The following PRDM6 variants were observed in gnomAD, a reference collection of about 807,000 sequenced individuals.
The protein encoded by PRDM6 is PR/SET domain 6.
A neutral mutation model predicts 60.8 loss-of-function variants in PRDM6; 25 were observed. The ratio of observed to expected loss-of-function variants is 0.41; its 90% CI spans 0.30 to 0.57. The LOEUF (loss-of-function observed/expected upper bound fraction) is 0.57, where lower values mean the gene tolerates loss of function less well. Ranked by LOEUF, PRDM6 falls within the 20% of genes least tolerant of loss-of-function variation. The pLI is 0.27. For missense variants in PRDM6, 839 were observed against 821.3 expected, an observed-to-expected ratio of 1.02 and a Z score of -0.26; for synonymous variants, 407 against 357.4, an observed-to-expected ratio of 1.14 and a Z score of -1.57.
At chr5:123,106,363 G>A (rs1489977556) in intron 3 of PRDM6, among the ~76,000 whole-genome samples, 1 of 152,174 alleles carries the variant, frequency 6.6e-6, no homozygotes, top group African/African-American at 2.4e-5. Context: ...CATCATCCAT[G>A]TTGATGTGAT....
At chr5:123,133,289 A>T (rs1764876315) in intron 3 of PRDM6, among the ~76,000 whole-genome samples, 1 of 152,124 alleles carries the variant, frequency 6.6e-6, no homozygotes, top group South Asian at 2.1e-4. Flanking sequence ...ATCTTATATA[A>T]ATCCTTCCTA....
chr5:123,110,774 C>T (rs1764295138), intron 3 of PRDM6, among the ~76,000 whole-genome samples: 1 of 151,974 alleles, frequency 6.6e-6, no homozygotes, highest in South Asian at 2.1e-4. Flanking sequence ...CCATGTTGGT[C>T]AGGATGGTCT....
chr5:123,090,624 G>A lies in PRDM6; in HGVS notation c.592+18G>A, dbSNP rs1488234921. 1.4e-6 allele frequency: 2 copies of A among 1,469,250 alleles called. No homozygotes were observed. The highest frequency in any genetic ancestry group is 1.2e-5 in the South Asian group (1 of 82,124). The allele number at this position is 1,469,250 out of a possible 1,614,324, so 91.0% of individuals were successfully genotyped here. ...CAACAACCGTACGTAGCCGCAGCCC[G>A]CGCGCTCTCTCCCGGGGCGCCGGCG... On this transcript the variant is annotated intron_variant, in intron 2 of 7. Coordinates refer to ENST00000407847, the MANE Select transcript of PRDM6 (RefSeq NM_001136239.4).
intron 3 of PRDM6, among the ~76,000 whole-genome samples, chr5:123,149,740 AT>A (rs1475272320): frequency 3.3e-5 from 5 of 152,338 alleles, no homozygotes; most frequent in Admixed American, 6.5e-5. Flanking sequence ...TTAAAAATAG[AT>A]TCATCTGGGA....
At chr5:123,160,639 G>C (rs1022236512) in intron 5 of PRDM6, among the ~76,000 whole-genome samples, 1 of 152,152 alleles carries the variant, frequency 6.6e-6, no homozygotes, top group Non-Finnish European at 1.5e-5. Context: ...TCAAAATGCT[G>C]ATCGTCAGAT....
intron 3 of PRDM6, among the ~76,000 whole-genome samples, chr5:123,132,719 G>C (rs1217318888): frequency 7.4e-6 from 1 of 135,348 alleles, no homozygotes. Flanking sequence ...TGTATATGCA[G>C]GTCAATATCG....
rs999489259 is a variant in PRDM6 at position 123,147,446 on chromosome 5, A to T, written c.901-8438A>T. On this transcript the variant is annotated intron_variant, in intron 3 of 7. Coordinates refer to ENST00000407847, the MANE Select transcript of PRDM6 (RefSeq NM_001136239.4). ...GTGCACTGTGGATATTATTGCTGCA[A>T]CGGAGAAGAGGGAAAAAGATAGGTT... is the stretch of plus-strand genomic sequence containing the variant. Among the ~76,000 whole-genome samples, 5 of 152,314 alleles carry T rather than the reference A, an allele frequency of 3.3e-5. No individual in the cohort carries two copies. In the East Asian group the frequency reaches 7.7e-4, roughly 23 times the overall value.
chr5:123,162,697 T>C (rs1307997831), intron 5 of PRDM6, among the ~76,000 whole-genome samples: 1 of 152,140 alleles, frequency 6.6e-6, no homozygotes, highest in East Asian at 1.9e-4. Flanking sequence ...CCCCCAAGGG[T>C]ATTATAGGAA....
chr5:123,133,010 A>G (rs550614111), intron 3 of PRDM6, among the ~76,000 whole-genome samples: 2 of 152,238 alleles, frequency 1.3e-5, no homozygotes, highest in East Asian at 1.9e-4. Flanking sequence ...CAAAATGTAC[A>G]GTATTCTAAT....
At chr5:123,108,263 T>C (rs943073866) in intron 3 of PRDM6, among the ~76,000 whole-genome samples, 5 of 152,212 alleles carry the variant, frequency 3.3e-5, no homozygotes, top group African/African-American at 9.6e-5. Flanking sequence ...TCTAATTCAG[T>C]AGAAACGTCT....
At position 123,190,640 on chromosome 5, in the gene PRDM6, T is replaced by A. The variant is rs1041168478; in HGVS notation, c.*3439T>A. On this transcript the variant is annotated 3_prime_UTR_variant, in exon 8 of 8. Coordinates refer to ENST00000407847, the MANE Select transcript of PRDM6 (RefSeq NM_001136239.4). ...CCTCATAGGGCTCATAATTGAATTT[T>A]ACCTTGTAAAAATTTCATTCTGGTT... 1.8e-4 allele frequency: 27 copies of A among 152,220 alleles called. 1 individual carries two copies. Among genetic ancestry groups the A allele is most frequent in the African/African-American group, 6.5e-4 (27 of 41,454 alleles). The allele number at this position is 152,220 out of a possible 1,614,324, so 9.4% of individuals were successfully genotyped here. A position where few individuals can be genotyped will look rare whatever the true frequency, so the allele number is the denominator to read the frequency against.
chr5:123,179,932 G>A (rs1171506715), intron 6 of PRDM6, among the ~76,000 whole-genome samples: 1 of 152,132 alleles, frequency 6.6e-6, no homozygotes, highest in Non-Finnish European at 1.5e-5. Context: ...CTGGAAAGGG[G>A]TATTCATTCG....
chr5:123,090,597 C>G lies in PRDM6; in HGVS notation c.583C>G (p.Pro195Ala), dbSNP rs1173002078. ...CCCGCTCAACCAGCACACCAGCGAC[C>G]CCAACAACCGTACGTAGCCGCAGCC... ...IIPLNQHTSDPNNRCDMCADN... is the reference protein window; with the variant it reads ...IIPLNQHTSDANNRCDMCADN... The change falls in exon 2 of 8, where the codon CCC becomes GCC. Residue 195 changes from proline to alanine, a missense_variant. Coordinates refer to ENST00000407847, the MANE Select transcript of PRDM6 (RefSeq NM_001136239.4). 6.6e-7 allele frequency: 1 copy of G among 1,522,904 alleles called. No homozygotes were observed. The highest frequency in any genetic ancestry group is 8.8e-7 in the Non-Finnish European group (1 of 1,142,686). The allele number at this position is 1,522,904 out of a possible 1,614,324, so 94.3% of individuals were successfully genotyped here.
chr5:123,149,985 G>A (rs335153), intron 3 of PRDM6, among the ~76,000 whole-genome samples: 109,279 of 151,976 alleles, frequency 0.72, 39,433 homozygotes, highest in Non-Finnish European at 0.75. Flanking sequence ...CATATGCTGC[G>A]CATAATATAT....
intron 5 of PRDM6, among the ~76,000 whole-genome samples, chr5:123,166,784 A>T (rs570743628): frequency 1.3e-5 from 2 of 152,334 alleles, no homozygotes; most frequent in African/African-American, 4.8e-5. Flanking sequence ...TGCCTCTCTC[A>T]ATATTTTAAC....
chr5:123,144,775 A>G (rs1317554307), intron 3 of PRDM6, among the ~76,000 whole-genome samples: 1 of 152,188 alleles, frequency 6.6e-6, no homozygotes, highest in East Asian at 1.9e-4. Context: ...TTTGAAAGCA[A>G]CATTGTATCC....
chr5:123,147,307 G>GAGAGAGAGAGAGAAAA (rs1309614411), intron 3 of PRDM6, among the ~76,000 whole-genome samples: 10 of 148,920 alleles, frequency 6.7e-5, no homozygotes, highest in African/African-American at 2.5e-4. Flanking sequence ...GAGAGAGAGA[G>GAGAGAGAGAGAGAAAA]AAAACGAACA....
chr5:123,090,062 C>T lies in PRDM6; in HGVS notation c.48C>T (p.Asp16=), dbSNP rs1763775305. 6.5e-7 allele frequency: 1 copy of T among 1,548,418 alleles called. No individual in the cohort carries two copies. The highest frequency in any genetic ancestry group is 8.7e-7 in the Non-Finnish European group (1 of 1,146,098). ...GCGGTTCGGCCTTCCTCAAAGTGGA[C>T]CCAGCCTACCTGCAGCACTGGCAGC... The part of the protein sequence containing the change: ...DPGGSAFLKV[D]PAYLQHWQQL... The change falls in exon 2 of 8, where the codon GAC becomes GAT. Residue 16 remains aspartate (D), a synonymous_variant. Coordinates refer to ENST00000407847, the MANE Select transcript of PRDM6 (RefSeq NM_001136239.4).
intron 3 of PRDM6, among the ~76,000 whole-genome samples, chr5:123,119,690 C>A (rs76923717): frequency 0.093 from 14,201 of 152,204 alleles, 762 homozygotes; most frequent in African/African-American, 0.15. Context: ...ATCTAAACTT[C>A]CTTCTCTGAT....
Sources: gnomAD v4.1 joint callset for allele counts (sites outside exome capture counted in the v4.1 genomes callset) on GRCh38, gnomAD v4.1.1 for gene constraint, MANE v1.5 for transcripts, NCBI Gene and HGNC (gene_info 2026-07-23, HGNC 2026-07-21) for gene names.